ZCCHC7: variants seen among roughly 807,000 people sequenced by gnomAD.
ZCCHC7 encodes zinc finger CCHC-type containing 7, also known as zinc finger CCHC domain-containing protein 7.
ZCCHC7 carries 35 observed loss-of-function variants against 52.0 expected under a neutral mutation model. The observed-to-expected ratio is 0.67, with a 90% CI of 0.51 to 0.89. The LOEUF is 0.89. Ranked by LOEUF, ZCCHC7 falls within the 40% of genes least tolerant of loss-of-function variation. The probability of loss-of-function intolerance (pLI) is 0.00; values close to 1 mark genes in which losing one functional copy is unlikely to be tolerated. For missense variants in ZCCHC7, 574 were observed against 649.1 expected, an observed-to-expected ratio of 0.88 and a Z score of 1.26; for synonymous variants, 217 against 221.5, an observed-to-expected ratio of 0.98 and a Z score of 0.18.
At chr9:37,172,567 T>A (rs924052806) in intron 2 of ZCCHC7, among the ~76,000 whole-genome samples, 1 of 152,236 alleles carries the variant, frequency 6.6e-6, no homozygotes, top group Non-Finnish European at 1.5e-5. Context: ...ATAAAGTACT[T>A]CCAGCATTGG....
chr9:37,324,544 T>C, intron 5 of ZCCHC7, among the ~76,000 whole-genome samples: 1 of 152,212 alleles, frequency 6.6e-6, no homozygotes, highest in South Asian at 2.1e-4. Flanking sequence ...GTGAACATAT[T>C]TCCTGAAAGC....
intron 6 of ZCCHC7, 61 bp downstream of exon 6, chr9:37,327,895 TG>T: frequency 6.5e-7 from 1 of 1,549,006 alleles, no homozygotes; most frequent in African/African-American, 1.4e-5. Context: ...TTCTCTGAAC[TG>T]CTGACCATAA....
In ZCCHC7 at chr9:37,358,031, G is replaced by A. The variant is rs1821814913; in HGVS notation, c.*763G>A. ...TGAATATTACTCAAAAAATTTTTTTGTTCTCTTGCATTTTTTTCAACTACC... is the reference window on the plus strand; with the variant it reads ...TGAATATTACTCAAAAAATTTTTTTATTCTCTTGCATTTTTTTCAACTACC... On this transcript the variant is annotated 3_prime_UTR_variant, in exon 9 of 9. Transcript: ENST00000336755. 1 of 151,966 alleles carries A rather than the reference G, an allele frequency of 6.6e-6. No homozygotes were observed. Among genetic ancestry groups the A allele is most frequent in the African/African-American group, 2.4e-5 (1 of 41,380 alleles). The allele number at this position is 151,966 out of a possible 1,614,324, so 9.4% of individuals were successfully genotyped here. A position where few individuals can be genotyped will look rare whatever the true frequency, so the allele number is the denominator to read the frequency against.
rs1248771567 is a variant in ZCCHC7, at chr9:37,305,594, C to T, written c.831C>T (p.Ser277=). Residue 277 remains serine (S), a synonymous_variant, in exon 5 of 9, where the codon TCC becomes TCT. Transcript: ENST00000336755. ...CCAGGAGAGGACATCTCCTGTATTC[C>T]TGTCCAGCCCCCCTTTGCGAATACT... ...LCSRRGHLLY[S]CPAPLCEYCP... 1 of 1,614,002 alleles carries T rather than the reference C, an allele frequency of 6.2e-7. No individual in the cohort carries two copies. The highest frequency in any genetic ancestry group is 1.3e-5 in the African/African-American group (1 of 74,910).
At chr9:37,204,111 T>G (rs1433169968) in intron 2 of ZCCHC7, among the ~76,000 whole-genome samples, 1 of 152,194 alleles carries the variant, frequency 6.6e-6, no homozygotes, top group African/African-American at 2.4e-5. Context: ...CGTCTTTTGA[T>G]AAGTGTCTGT....
At chr9:37,234,380 A>G (rs1284546787) in intron 2 of ZCCHC7, among the ~76,000 whole-genome samples, 1 of 152,212 alleles carries the variant, frequency 6.6e-6, no homozygotes, top group Non-Finnish European at 1.5e-5. Flanking sequence ...CTTAACACCT[A>G]TGTCTCAGAC....
intron 2 of ZCCHC7, among the ~76,000 whole-genome samples, chr9:37,198,902 AC>A (rs1441825438): frequency 6.6e-6 from 1 of 152,052 alleles, no homozygotes; most frequent in African/African-American, 2.4e-5. Context: ...TTGATGATTG[AC>A]CCTTGGTGTG....
At position 37,296,881 on chromosome 9, in the gene ZCCHC7, T is replaced by TTGTGTGTGTGTGTGTG. The variant is rs56378965; in HGVS notation, c.611-5275_611-5260dup. Among the ~76,000 whole-genome samples the TTGTGTGTGTGTGTGTG allele has an allele frequency of 5.5e-3, 688 of 124,184 alleles. 11 individuals are homozygous for TTGTGTGTGTGTGTGTG. Among genetic ancestry groups the TTGTGTGTGTGTGTGTG allele is most frequent in the Admixed American group, 9.1e-3 (106 of 11,712 alleles). 81.5% of individuals were successfully genotyped at this position (124,184 alleles called of 152,430 possible). The stretch of plus-strand genomic sequence containing the variant: ...GCATGCACCACCATACCTGGCTAGT[T>TTGTGTGTGTGTGTGTG]TGTGTGTGTGTGTGTGTGTGTGTGT... On this transcript the variant is annotated intron_variant, in intron 2 of 8. Transcript: ENST00000336755.
chr9:37,265,267 C>G (rs1240452165), intron 2 of ZCCHC7, among the ~76,000 whole-genome samples: 1 of 152,078 alleles, frequency 6.6e-6, no homozygotes, highest in Non-Finnish European at 1.5e-5. Context: ...GTAGACGTTC[C>G]AGTTTAAATC....
chr9:37,290,558 A>C (rs1828486204), intron 2 of ZCCHC7, among the ~76,000 whole-genome samples: 1 of 152,096 alleles, frequency 6.6e-6, no homozygotes, highest in Non-Finnish European at 1.5e-5. Flanking sequence ...TGGAGGGCTG[A>C]GATGGGAGGA....
intron 6 of ZCCHC7, among the ~76,000 whole-genome samples, chr9:37,348,979 G>A (rs923770772): frequency 6.6e-6 from 1 of 152,134 alleles, no homozygotes; most frequent in Non-Finnish European, 1.5e-5. Context: ...CCGCTGGTGG[G>A]GGAGTCCCCC....
At chr9:37,161,637 C>G (rs551295606) in intron 2 of ZCCHC7, among the ~76,000 whole-genome samples, 3 of 152,206 alleles carry the variant, frequency 2.0e-5, no homozygotes, top group African/African-American at 7.2e-5. Flanking sequence ...GGCCAGTGCT[C>G]TCACTTTGTA....
At chr9:37,341,668 G>A (rs1050227361) in intron 6 of ZCCHC7, among the ~76,000 whole-genome samples, 5 of 152,122 alleles carry the variant, frequency 3.3e-5, no homozygotes, top group Admixed American at 2.6e-4. Flanking sequence ...AGCAGGATAG[G>A]GAGTACAGAT....
intron 6 of ZCCHC7, chr9:37,334,093 G>A (rs1028353932): frequency 2.0e-5 from 3 of 151,782 alleles, no homozygotes; most frequent in Admixed American, 6.6e-5. Context: ...ATTCTTTGTC[G>A]TGTTACGTAC....
rs553432071 is a variant in ZCCHC7 at position 37,234,807 on chromosome 9, C to G, written c.611-67381C>G. Among the ~76,000 whole-genome samples the G allele has an allele frequency of 2.6e-4, 39 of 152,244 alleles. 1 individual carries two copies. In the South Asian group the frequency reaches 7.2e-3, roughly 28 times the overall value. On this transcript the variant is annotated intron_variant, in intron 2 of 8. Coordinates refer to ENST00000336755, the MANE Select transcript of ZCCHC7 (RefSeq NM_032226.3). ...AGGCCTTATGTGTTTGTCCTTTCAG[C>G]TTTTCATTATAACTTTATGAAAATA...
chr9:37,240,007 G>A (rs1252792477), intron 2 of ZCCHC7, among the ~76,000 whole-genome samples: 1 of 151,976 alleles, frequency 6.6e-6, no homozygotes, highest in Non-Finnish European at 1.5e-5. Context: ...TAAGCTGCGA[G>A]GCATTTATGT....
intron 4 of ZCCHC7, among the ~76,000 whole-genome samples, chr9:37,304,514 G>A (rs548351984): frequency 3.5e-4 from 53 of 152,136 alleles, no homozygotes; most frequent in East Asian, 1.9e-4. Flanking sequence ...AAAATTAGCC[G>A]GGCGTGATGG....
chr9:37,184,028 T>A (rs764523624), intron 2 of ZCCHC7, among the ~76,000 whole-genome samples: 7 of 152,214 alleles, frequency 4.6e-5, no homozygotes, highest in Non-Finnish European at 8.8e-5. Flanking sequence ...ATTGTGTTTG[T>A]ATTGTAATTG....
intron 2 of ZCCHC7, among the ~76,000 whole-genome samples, chr9:37,263,217 A>G (rs1269966397): frequency 6.6e-6 from 1 of 152,122 alleles, no homozygotes; most frequent in African/African-American, 2.4e-5. Flanking sequence ...CGCATCAGTT[A>G]TGGTGCTTAA....
Sources: allele counts gnomAD v4.1 joint callset (sites outside exome capture counted in the v4.1 genomes callset), GRCh38; gene constraint gnomAD v4.1.1; transcripts MANE v1.5; gene names NCBI Gene and HGNC (gene_info 2026-07-23, HGNC 2026-07-21).